The following RCAN1 variants were observed in gnomAD, a reference collection of about 807,000 sequenced individuals.
RCAN1 encodes calcipressin-1.
A neutral mutation model predicts 22.9 loss-of-function variants in RCAN1; 11 were observed. The observed-to-expected ratio is 0.48, with a 90% CI of 0.30 to 0.79. The LOEUF (loss-of-function observed/expected upper bound fraction) is 0.79, where lower values mean the gene tolerates loss of function less well. RCAN1 is among the 30% of genes least tolerant of loss of function. RCAN1 has a pLI of 0.06. For synonymous variants in RCAN1, 136 were observed against 142.3 expected (o/e 0.96, Z 0.32); for missense variants, 291 against 337.8 (o/e 0.86, Z 1.09).
chr21:34,562,292 C>T (rs1483813419), intron 1 of RCAN1, among the ~76,000 whole-genome samples: 2 of 152,016 alleles, frequency 1.3e-5, no homozygotes, highest in African/African-American at 4.8e-5. Flanking sequence ...CCTGGAAAAT[C>T]AAACACTCTA....
At chr21:34,549,845 T>TG (rs1986298916) in intron 1 of RCAN1, among the ~76,000 whole-genome samples, 1 of 152,182 alleles carries the variant, frequency 6.6e-6, no homozygotes, top group African/African-American at 2.4e-5. Context: ...CTACAGGCAC[T>TG]GACCATGCCA....
At chr21:34,569,015 G>A (rs1987137897) in intron 1 of RCAN1, among the ~76,000 whole-genome samples, 1 of 152,184 alleles carries the variant, frequency 6.6e-6, no homozygotes, top group Admixed American at 6.5e-5. Flanking sequence ...GATCTTGTGA[G>A]ACTTATTCAC....
intron 1 of RCAN1, among the ~76,000 whole-genome samples, chr21:34,536,703 G>A (rs936506151): frequency 6.6e-6 from 1 of 152,178 alleles, no homozygotes; most frequent in Non-Finnish European, 1.5e-5. Context: ...GAATGTCAGC[G>A]GAGGAGTAAA....
intron 1 of RCAN1, among the ~76,000 whole-genome samples, chr21:34,577,785 A>G (rs1204965429): frequency 6.6e-6 from 1 of 152,160 alleles, no homozygotes; most frequent in Non-Finnish European, 1.5e-5. Flanking sequence ...CTGAAACATC[A>G]CTGCTTAGGT....
intron 1 of RCAN1, among the ~76,000 whole-genome samples, chr21:34,588,894 C>T (rs550259831): frequency 6.6e-6 from 1 of 152,266 alleles, no homozygotes; most frequent in South Asian, 2.1e-4. Context: ...GATGAACCTT[C>T]AGGACATTAT....
chr21:34,538,700 G>A (rs1372414578), intron 1 of RCAN1, among the ~76,000 whole-genome samples: 2 of 152,194 alleles, frequency 1.3e-5, no homozygotes, highest in East Asian at 3.8e-4. Context: ...CGGAGCAGGA[G>A]GACCGGGCCT....
intron 1 of RCAN1, chr21:34,525,331 A>G (rs1467325980): frequency 6.6e-7 from 1 of 1,516,688 alleles, no homozygotes; most frequent in Admixed American, 2.1e-5. Flanking sequence ...TCTTCAGTTT[A>G]GGGACATTTC....
rs188354291 is a variant in RCAN1 at position 34,544,217 on chromosome 21, T to A, written c.253-20507A>T. On this transcript the variant is annotated intron_variant, in intron 1 of 3. Coordinates refer to ENST00000313806, the MANE Select transcript of RCAN1 (RefSeq NM_004414.7). ...CCGGGACTCTGTGATGGATTCTGTTTCCACAGTTAGGTTATATTACCCTGG... is the reference window on the plus strand; with the variant it reads ...CCGGGACTCTGTGATGGATTCTGTTACCACAGTTAGGTTATATTACCCTGG... Among the ~76,000 whole-genome samples the A allele has an allele frequency of 2.0e-5, 3 of 152,326 alleles. No homozygotes were observed. In the East Asian group the frequency reaches 5.8e-4, roughly 29 times the overall value.
rs570759906 is a variant in RCAN1, at chr21:34,581,242, C to CT, written c.252+33517dup. Among the ~76,000 whole-genome samples the CT allele has an allele frequency of 2.2e-4, 34 of 152,268 alleles. 1 individual carries two copies. In the South Asian group the frequency reaches 5.6e-3, roughly 25 times the overall value. ...CCAACGTCCCAACCAAATCAAGATG[C>CT]TGTTTCTAGGGTCCAATCCCTATTC... On this transcript the variant is annotated intron_variant, in intron 1 of 3. Coordinates refer to ENST00000313806, the MANE Select transcript of RCAN1 (RefSeq NM_004414.7).
chr21:34,590,111 A>G (rs1426686130), intron 1 of RCAN1, among the ~76,000 whole-genome samples: 1 of 152,156 alleles, frequency 6.6e-6, no homozygotes, highest in Non-Finnish European at 1.5e-5. Context: ...CCTTGTGCCA[A>G]CCATTTCCTC....
intron 1 of RCAN1, among the ~76,000 whole-genome samples, chr21:34,531,941 C>A (rs766442051): frequency 6.6e-6 from 1 of 152,106 alleles, no homozygotes; most frequent in Non-Finnish European, 1.5e-5. Context: ...CCTGCTGAAG[C>A]CCGACAAGGC....
At chr21:34,567,136 CA>C (rs200560891) in intron 1 of RCAN1, among the ~76,000 whole-genome samples, 1 of 115,388 alleles carries the variant, frequency 8.7e-6, no homozygotes, top group Admixed American at 7.8e-5. Flanking sequence ...TGTAAAATTT[CA>C]AAATTTGTGT....
At chr21:34,521,284 C>T (rs755948456) in intron 3 of RCAN1, 11 of 1,445,720 alleles carry the variant, frequency 7.6e-6, no homozygotes, top group South Asian at 2.9e-5. Flanking sequence ...AGGGTCCCCA[C>T]GATCAGCCGC....
At chr21:34,552,048 T>A (rs1249952568) in intron 1 of RCAN1, among the ~76,000 whole-genome samples, 2 of 152,170 alleles carry the variant, frequency 1.3e-5, no homozygotes, top group African/African-American at 4.8e-5. Context: ...TCAGGGTTCC[T>A]CTCCATCCTA....
intron 1 of RCAN1, among the ~76,000 whole-genome samples, chr21:34,612,107 C>T (rs1988700355): frequency 6.6e-6 from 1 of 152,168 alleles, no homozygotes; most frequent in Non-Finnish European, 1.5e-5. Context: ...TACCACCATC[C>T]TAGTCCCACT....
At chr21:34,548,056 C>T (rs576883002) in intron 1 of RCAN1, among the ~76,000 whole-genome samples, 1 of 152,246 alleles carries the variant, frequency 6.6e-6, no homozygotes, top group African/African-American at 2.4e-5. Context: ...ATGCTGGCAG[C>T]CTAACCTCAG....
At chr21:34,535,496 A>T (rs1037448100) in intron 1 of RCAN1, among the ~76,000 whole-genome samples, 4 of 152,082 alleles carry the variant, frequency 2.6e-5, no homozygotes, top group African/African-American at 9.7e-5. Context: ...AATGACAACT[A>T]AGAATTCTAA....
intron 1 of RCAN1, among the ~76,000 whole-genome samples, chr21:34,549,885 C>G (rs1250635829): frequency 6.6e-6 from 1 of 152,200 alleles, no homozygotes; most frequent in African/African-American, 2.4e-5. Context: ...GACCATGCCA[C>G]CCAGACAGAC....
At chr21:34,567,322 C>T (rs1987057319) in intron 1 of RCAN1, among the ~76,000 whole-genome samples, 1 of 152,176 alleles carries the variant, frequency 6.6e-6, no homozygotes, top group South Asian at 2.1e-4. Flanking sequence ...TGGTGAAACC[C>T]TATCTCTATT....
Sources: allele counts gnomAD v4.1 joint callset (sites outside exome capture counted in the v4.1 genomes callset), GRCh38; gene constraint gnomAD v4.1.1; transcripts MANE v1.5; gene names NCBI Gene and HGNC (gene_info 2026-07-23, HGNC 2026-07-21).